The following NRCAM variants were observed in gnomAD, a reference collection of about 807,000 sequenced individuals.
NRCAM encodes the protein neuronal cell adhesion molecule.
NRCAM carries 83 observed loss-of-function variants against 156.5 expected under a neutral mutation model. That is an observed-to-expected ratio of 0.53 (90% CI 0.44 to 0.64). The LOEUF (loss-of-function observed/expected upper bound fraction) is 0.64. NRCAM is among the 30% of genes least tolerant of loss of function. The pLI, the probability that NRCAM is intolerant of heterozygous loss-of-function variation, is 0.00. For missense variants in NRCAM, 1,417 were observed against 1,597.3 expected (o/e 0.89, Z 1.92); for synonymous variants, 538 against 563.9 (o/e 0.95, Z 0.65).
intron 3 of NRCAM, among the ~76,000 whole-genome samples, chr7:108,310,912 T>C (rs534529527): frequency 3.3e-5 from 5 of 152,300 alleles, no homozygotes; most frequent in Non-Finnish European, 7.3e-5. Flanking sequence ...TCGAGCCTTT[T>C]CACTTGTTGC....
intron 3 of NRCAM, among the ~76,000 whole-genome samples, chr7:108,285,474 G>A (rs531190875): frequency 6.6e-6 from 1 of 152,332 alleles, no homozygotes; most frequent in East Asian, 1.9e-4. Context: ...GTCAGTCTTA[G>A]TCCTAAAGAG....
intron 1 of NRCAM, among the ~76,000 whole-genome samples, chr7:108,421,210 GAAT>G (rs1380388942): frequency 3.3e-5 from 5 of 152,128 alleles, no homozygotes; most frequent in African/African-American, 9.7e-5. Flanking sequence ...CAATATAAAA[GAAT>G]AATATCTTAT....
intron 30 of NRCAM, among the ~76,000 whole-genome samples, chr7:108,162,961 G>C (rs984260910): frequency 6.6e-6 from 1 of 151,982 alleles, no homozygotes. Context: ...AAATCACCTG[G>C]GACATACAAA....
chr7:108,401,202 T>A (rs1169475115), intron 1 of NRCAM, among the ~76,000 whole-genome samples: 1 of 152,024 alleles, frequency 6.6e-6, no homozygotes, highest in Non-Finnish European at 1.5e-5. Flanking sequence ...ATGGCGCCAC[T>A]GCACCAGCCT....
chr7:108,396,589 G>A (rs556304754), intron 2 of NRCAM, among the ~76,000 whole-genome samples: 1 of 152,262 alleles, frequency 6.6e-6, no homozygotes, highest in African/African-American at 2.4e-5. Flanking sequence ...GATTTCTAAT[G>A]TTCCCAACAC....
intron 3 of NRCAM, among the ~76,000 whole-genome samples, chr7:108,296,767 T>C (rs2098461885): frequency 6.6e-6 from 1 of 152,202 alleles, no homozygotes; most frequent in South Asian, 2.1e-4. Flanking sequence ...TTCTTATTCA[T>C]ATGATCTCTT....
intron 20 of NRCAM, among the ~76,000 whole-genome samples, chr7:108,185,570 T>C (rs2066163608): frequency 1.3e-5 from 2 of 151,750 alleles, no homozygotes; most frequent in African/African-American, 2.4e-5. Flanking sequence ...CTACAGAAAG[T>C]TAACTGGGTG....
At chr7:108,415,705 A>C (rs1597158561) in intron 1 of NRCAM, among the ~76,000 whole-genome samples, 1 of 152,138 alleles carries the variant, frequency 6.6e-6, no homozygotes, top group African/African-American at 2.4e-5. Context: ...ACATGGCAAA[A>C]CCCTGCCTCT....
chr7:108,414,794 G>C (rs79116122), intron 1 of NRCAM, among the ~76,000 whole-genome samples: 1,906 of 152,252 alleles, frequency 0.013, 35 homozygotes, highest in African/African-American at 0.043. Flanking sequence ...GACAGAGAAG[G>C]GGGGAAGACT....
chr7:108,177,669 G>GTA (rs1410028461), intron 26 of NRCAM, among the ~76,000 whole-genome samples: 59 of 16,644 alleles, frequency 3.5e-3, no homozygotes, highest in African/African-American at 5.7e-3. Flanking sequence ...ATGTATATAC[G>GTA]TGTATATATA....
chr7:108,162,775 G>T (rs2050026868), intron 30 of NRCAM, among the ~76,000 whole-genome samples: 2 of 152,146 alleles, frequency 1.3e-5, no homozygotes, highest in Non-Finnish European at 2.9e-5. Context: ...ATGGTAATAG[G>T]TGCATGTGTG....
chr7:108,314,848 T>C (rs4730303), intron 2 of NRCAM, among the ~76,000 whole-genome samples: 3,511 of 152,224 alleles, frequency 0.023, 91 homozygotes, highest in East Asian at 0.098. Context: ...AGGCAAAAAC[T>C]TGCAAAATCT....
At chr7:108,443,539 T>C (rs1840938721) in intron 1 of NRCAM, among the ~76,000 whole-genome samples, 2 of 152,200 alleles carry the variant, frequency 1.3e-5, no homozygotes, top group African/African-American at 4.8e-5. Context: ...AGGCTTTGCT[T>C]TCCTCAGCTT....
chr7:108,169,624 G>C (rs1402270878), intron 28 of NRCAM, among the ~76,000 whole-genome samples: 1 of 152,158 alleles, frequency 6.6e-6, no homozygotes, highest in Admixed American at 6.5e-5. Flanking sequence ...TTTGTGCTAA[G>C]CATGGGGAAA....
At chr7:108,441,377 G>A (rs541605237) in intron 1 of NRCAM, among the ~76,000 whole-genome samples, 2 of 152,142 alleles carry the variant, frequency 1.3e-5, no homozygotes, top group South Asian at 2.1e-4. Flanking sequence ...AAGAACTTTA[G>A]AAGCTTTTTT....
chr7:108,311,344 C>T (rs142027577), intron 3 of NRCAM, among the ~76,000 whole-genome samples: 55 of 152,220 alleles, frequency 3.6e-4, no homozygotes, highest in Middle Eastern at 3.4e-3. Context: ...TACTTACTAT[C>T]ACATTGCTTT....
chr7:108,432,478 G>C (rs771482643), intron 1 of NRCAM, among the ~76,000 whole-genome samples: 1 of 152,198 alleles, frequency 6.6e-6, no homozygotes, highest in Non-Finnish European at 1.5e-5. Context: ...GATTCTCAAA[G>C]TTATAAAAAA....
intron 3 of NRCAM, among the ~76,000 whole-genome samples, chr7:108,259,047 C>T (rs2096791189): frequency 6.6e-6 from 1 of 152,176 alleles, no homozygotes; most frequent in African/African-American, 2.4e-5. Flanking sequence ...GCCCAACAGC[C>T]ACATGGGGCT....
At chr7:108,232,765 A>G (rs2094480435) in intron 6 of NRCAM, among the ~76,000 whole-genome samples, 1 of 152,168 alleles carries the variant, frequency 6.6e-6, no homozygotes, top group South Asian at 2.1e-4. Context: ...TCAATAAAGA[A>G]ATCATGCACA....
Sources: gnomAD v4.1 joint callset for allele counts (sites outside exome capture counted in the v4.1 genomes callset) on GRCh38, gnomAD v4.1.1 for gene constraint, MANE v1.5 for transcripts, NCBI Gene and HGNC (gene_info 2026-07-23, HGNC 2026-07-21) for gene names.